STK32B: variants seen among roughly 807,000 people sequenced by gnomAD.
STK32B encodes the protein serine/threonine-protein kinase 32B.
Under a neutral mutation model 52.6 loss-of-function variants are expected in STK32B, and 43 were observed. The observed-to-expected ratio is 0.82, with a 90% CI of 0.64 to 1.05. STK32B has a LOEUF of 1.05. Among genes scored for constraint, STK32B ranks in the 50% least tolerant of loss-of-function variants. The pLI is 0.00. For synonymous variants in STK32B, 238 were observed against 204.3 expected (o/e 1.17, Z -1.41); for missense variants, 621 against 534.6 (o/e 1.16, Z -1.59).
intron 3 of STK32B, among the ~76,000 whole-genome samples, chr4:5,177,835 C>G (rs754849450): frequency 6.6e-6 from 1 of 152,228 alleles, no homozygotes; most frequent in Non-Finnish European, 1.5e-5. Flanking sequence ...ACATCCAGGT[C>G]ATGATGATGC....
chr4:5,290,172 A>G (rs1441523263), intron 3 of STK32B, among the ~76,000 whole-genome samples: 1 of 152,170 alleles, frequency 6.6e-6, no homozygotes, highest in African/African-American at 2.4e-5. Context: ...ACGGACGCCC[A>G]TCTTCCAAGG....
chr4:5,088,984 G>T (rs1204189775), intron 1 of STK32B, among the ~76,000 whole-genome samples: 2 of 151,688 alleles, frequency 1.3e-5, no homozygotes, highest in African/African-American at 4.8e-5. Flanking sequence ...TTAAAACATT[G>T]AGACAATCAA....
chr4:5,176,010 C>T lies in STK32B; in HGVS notation c.260+7560C>T, dbSNP rs561906459. ...CAAGCCTTGGCAATGGTGGGCGCCCCTCCCCAAGCCTCGCTGTGGCCTTGC... is the reference window on the plus strand; with the variant it reads ...CAAGCCTTGGCAATGGTGGGCGCCCTTCCCCAAGCCTCGCTGTGGCCTTGC... On this transcript the variant is annotated intron_variant, in intron 3 of 11. Coordinates refer to ENST00000282908, the MANE Select transcript of STK32B (RefSeq NM_018401.3). Among the ~76,000 whole-genome samples, 75 of 152,356 alleles carry T rather than the reference C, an allele frequency of 4.9e-4. No homozygotes were observed. The East Asian group carries it at 0.01, about 21-fold the overall frequency.
At chr4:5,250,738 C>T (rs1263257533) in intron 3 of STK32B, among the ~76,000 whole-genome samples, 1 of 152,136 alleles carries the variant, frequency 6.6e-6, no homozygotes, top group Non-Finnish European at 1.5e-5. Flanking sequence ...TATTTTTTGA[C>T]TTTTTAATAA....
intron 11 of STK32B, among the ~76,000 whole-genome samples, chr4:5,475,982 C>T (rs868065701): frequency 1.3e-5 from 2 of 151,924 alleles, no homozygotes; most frequent in African/African-American, 4.8e-5. Flanking sequence ...GCAACCTCCG[C>T]CTCCCAGGTT....
At chr4:5,421,537 G>C (rs1712648635) in intron 6 of STK32B, among the ~76,000 whole-genome samples, 1 of 152,228 alleles carries the variant, frequency 6.6e-6, no homozygotes, top group Non-Finnish European at 1.5e-5. Flanking sequence ...GTTCAAGGCA[G>C]TTTTCTACCA....
intron 3 of STK32B, among the ~76,000 whole-genome samples, chr4:5,189,184 C>T (rs1720988161): frequency 6.6e-6 from 1 of 152,096 alleles, no homozygotes; most frequent in Non-Finnish European, 1.5e-5. Context: ...CCATGGTATA[C>T]ATTAGGGTCT....
chr4:5,325,440 C>T (rs1464735206), intron 3 of STK32B, among the ~76,000 whole-genome samples: 2 of 152,010 alleles, frequency 1.3e-5, no homozygotes, highest in African/African-American at 2.4e-5. Context: ...GGGAAGCATA[C>T]AGGATCTTGA....
chr4:5,121,499 G>GTC (rs1715023116), intron 1 of STK32B, among the ~76,000 whole-genome samples: 1 of 152,184 alleles, frequency 6.6e-6, no homozygotes, highest in Non-Finnish European at 1.5e-5. Flanking sequence ...CTCCAATTCT[G>GTC]TCTGTGCAAT....
At chr4:5,281,356 C>T (rs934615188) in intron 3 of STK32B, among the ~76,000 whole-genome samples, 1 of 152,126 alleles carries the variant, frequency 6.6e-6, no homozygotes, top group Non-Finnish European at 1.5e-5. Flanking sequence ...AAACTGAACA[C>T]TGCATGTTCT....
At chr4:5,217,242 C>A (rs955892631) in intron 3 of STK32B, among the ~76,000 whole-genome samples, 4 of 152,046 alleles carry the variant, frequency 2.6e-5, no homozygotes, top group African/African-American at 9.7e-5. Context: ...GGCTTAGAGG[C>A]AGGATTATGA....
intron 11 of STK32B, among the ~76,000 whole-genome samples, chr4:5,482,376 GCT>G (rs1241033862): frequency 6.6e-6 from 1 of 152,032 alleles, no homozygotes; most frequent in Non-Finnish European, 1.5e-5. Context: ...TCATGATTTG[GCT>G]CTCTGTTTGT....
intron 3 of STK32B, among the ~76,000 whole-genome samples, chr4:5,209,042 C>T (rs1722748785): frequency 6.6e-6 from 1 of 152,210 alleles, no homozygotes; most frequent in Non-Finnish European, 1.5e-5. Flanking sequence ...GGCCCCTTTT[C>T]CTTGTCCAGT....
intron 1 of STK32B, among the ~76,000 whole-genome samples, chr4:5,054,520 A>C (rs1577614706): frequency 8.2e-6 from 1 of 121,952 alleles, no homozygotes; most frequent in Non-Finnish European, 1.7e-5. Context: ...ATGTGGGGGG[A>C]TTGAGGGGGC....
chr4:5,478,848 G>A (rs1178975465), intron 11 of STK32B, among the ~76,000 whole-genome samples: 1 of 152,180 alleles, frequency 6.6e-6, no homozygotes, highest in Non-Finnish European at 1.5e-5. Flanking sequence ...CCAGGCGGCA[G>A]TGCAGGGAGG....
intron 3 of STK32B, among the ~76,000 whole-genome samples, chr4:5,316,914 TGATATAATATATATAA>T (rs1730928641): frequency 7.1e-5 from 1 of 14,118 alleles, no homozygotes. Flanking sequence ...ATAATATATA[TGATATAATATATATAA>T]TATATATAAT....
At chr4:5,392,828 C>G (rs781665676) in intron 4 of STK32B, among the ~76,000 whole-genome samples, 1 of 152,226 alleles carries the variant, frequency 6.6e-6, no homozygotes, top group Non-Finnish European at 1.5e-5. Flanking sequence ...CAGATTGTCC[C>G]TGACACACAA....
chr4:5,136,410 A>G (rs1716082890), intron 1 of STK32B, among the ~76,000 whole-genome samples: 2 of 152,178 alleles, frequency 1.3e-5, no homozygotes, highest in Non-Finnish European at 2.9e-5. Flanking sequence ...GTGGTGAGAT[A>G]CCACTTTTCA....
intron 3 of STK32B, among the ~76,000 whole-genome samples, chr4:5,168,795 A>G (rs944117833): frequency 6.6e-6 from 1 of 152,200 alleles, no homozygotes; most frequent in African/African-American, 2.4e-5. Context: ...TCACAGCCAT[A>G]CAGCTGATGG....
Sources: allele counts gnomAD v4.1 joint callset (sites outside exome capture counted in the v4.1 genomes callset), GRCh38; gene constraint gnomAD v4.1.1; transcripts MANE v1.5; gene names NCBI Gene and HGNC (gene_info 2026-07-23, HGNC 2026-07-21).